CSNK2A2IP: variants seen among roughly 807,000 people sequenced by gnomAD.
The protein encoded by CSNK2A2IP is casein kinase II subunit alpha'-interacting protein.
chr3:88,422,284 C>G, the CSNK2A2IP span, among the ~76,000 whole-genome samples: 1 of 152,154 alleles, frequency 6.6e-6, no homozygotes, highest in African/African-American at 2.4e-5. Context: ...AATATTAGAA[C>G]TGTTTGATGA....
chr3:88,420,408 A>AC, the CSNK2A2IP span, among the ~76,000 whole-genome samples: 4 of 152,180 alleles, frequency 2.6e-5, no homozygotes, highest in East Asian at 7.7e-4. Flanking sequence ...TTGTCATGTG[A>AC]AATGAGATTA....
the CSNK2A2IP span, among the ~76,000 whole-genome samples, chr3:88,359,802 A>G: frequency 1.3e-5 from 2 of 152,070 alleles, no homozygotes; most frequent in Admixed American, 1.3e-4. Flanking sequence ...TGTCCTTGAG[A>G]ATGTTCCTTG....
the CSNK2A2IP span, among the ~76,000 whole-genome samples, chr3:88,350,402 A>G: frequency 6.6e-6 from 1 of 152,120 alleles, no homozygotes; most frequent in African/African-American, 2.4e-5. Flanking sequence ...AACTACAAGT[A>G]TAATCTGGTT....
chr3:88,379,682 A>G, the CSNK2A2IP span, among the ~76,000 whole-genome samples: 2 of 152,222 alleles, frequency 1.3e-5, no homozygotes, highest in Non-Finnish European at 2.9e-5. Context: ...AAAACAGGGG[A>G]AAAGGTCATA....
At chr3:88,432,070 T>C in the CSNK2A2IP span, among the ~76,000 whole-genome samples, 3,139 of 152,134 alleles carry the variant, frequency 0.021, 60 homozygotes, top group Non-Finnish European at 0.033. Flanking sequence ...ATTTTATTCT[T>C]GTAGTTTGTT....
the CSNK2A2IP span, among the ~76,000 whole-genome samples, chr3:88,397,804 T>C: frequency 6.6e-6 from 1 of 152,028 alleles, no homozygotes; most frequent in Non-Finnish European, 1.5e-5. Context: ...TGAGGCATTT[T>C]AAGTCCAAAT....
chr3:88,367,414 T>C, the CSNK2A2IP span, among the ~76,000 whole-genome samples: 26 of 152,184 alleles, frequency 1.7e-4, no homozygotes, highest in Admixed American at 1.5e-3. Flanking sequence ...AAGATAATGC[T>C]TGAGATTATG....
At chr3:88,393,741 C>T in the CSNK2A2IP span, among the ~76,000 whole-genome samples, 2 of 152,166 alleles carry the variant, frequency 1.3e-5, no homozygotes, top group Non-Finnish European at 2.9e-5. Flanking sequence ...GAGAATGTCA[C>T]TGGAGACGTA....
chr3:88,367,762 T>A, the CSNK2A2IP span, among the ~76,000 whole-genome samples: 7 of 152,234 alleles, frequency 4.6e-5, no homozygotes, highest in East Asian at 1.4e-3. Context: ...ATCTAAATAA[T>A]TTGTTCTTTG....
At chr3:88,374,955 T>C in the CSNK2A2IP span, among the ~76,000 whole-genome samples, 1 of 151,678 alleles carries the variant, frequency 6.6e-6, no homozygotes, top group Non-Finnish European at 1.5e-5. Context: ...TCATAGGTTA[T>C]CAAAATTATC....
At chr3:88,423,498 T>C in the CSNK2A2IP span, among the ~76,000 whole-genome samples, 19 of 152,254 alleles carry the variant, frequency 1.2e-4, no homozygotes, top group African/African-American at 4.1e-4. Context: ...CAGGGAGCTA[T>C]GTCTGGGAGA....
the CSNK2A2IP span, among the ~76,000 whole-genome samples, chr3:88,396,472 C>T: frequency 2.6e-5 from 4 of 152,114 alleles, no homozygotes; most frequent in East Asian, 5.8e-4. Flanking sequence ...AGAAAGTTTT[C>T]CTGTGAAAAT....
the CSNK2A2IP span, among the ~76,000 whole-genome samples, chr3:88,428,367 T>C: frequency 6.6e-6 from 1 of 152,168 alleles, no homozygotes; most frequent in Non-Finnish European, 1.5e-5. Flanking sequence ...GGGTTAGTGC[T>C]GGAATGAGTT....
chr3:88,356,254 A>G, the CSNK2A2IP span, among the ~76,000 whole-genome samples: 86 of 151,974 alleles, frequency 5.7e-4, no homozygotes, highest in Non-Finnish European at 7.1e-4. Flanking sequence ...CCTGTCCACC[A>G]CCGTTTCCTG....
the CSNK2A2IP span, among the ~76,000 whole-genome samples, chr3:88,377,320 A>G: frequency 6.6e-6 from 1 of 151,616 alleles, no homozygotes. Flanking sequence ...GAACTTTGGT[A>G]TTTTCTTTTA....
At chr3:88,458,030 C>A in the CSNK2A2IP span, among the ~76,000 whole-genome samples, 4 of 150,582 alleles carry the variant, frequency 2.7e-5, no homozygotes, top group Non-Finnish European at 5.9e-5. Flanking sequence ...TGAGTTGTCT[C>A]ATTTATTGGC....
chr3:88,387,754 C>A, the CSNK2A2IP span, among the ~76,000 whole-genome samples: 1 of 152,222 alleles, frequency 6.6e-6, no homozygotes, highest in South Asian at 2.1e-4. Flanking sequence ...AAGATAGAAT[C>A]TTGCTCTTTT....
the CSNK2A2IP span, among the ~76,000 whole-genome samples, chr3:88,449,758 T>TC: frequency 7.4e-6 from 1 of 135,232 alleles, no homozygotes; most frequent in South Asian, 2.6e-4. Context: ...ATACCTTTTT[T>TC]CTCTTCACGA....
chr3:88,342,903 G>A, the CSNK2A2IP span, among the ~76,000 whole-genome samples: 1 of 151,804 alleles, frequency 6.6e-6, no homozygotes, highest in African/African-American at 2.4e-5. Context: ...GCCACCAAGG[G>A]GCTATGAGCA....
Sources: gnomAD v4.1 joint callset for allele counts (sites outside exome capture counted in the v4.1 genomes callset) on GRCh38, gnomAD v4.1.1 for gene constraint, MANE v1.5 for transcripts, NCBI Gene and HGNC (gene_info 2026-07-23, HGNC 2026-07-21) for gene names.